Variants in TBPL2 observed in about 807,000 individuals in gnomAD.
TBPL2 encodes TATA box-binding protein-like 2.
In TBPL2, 40 loss-of-function variants were observed where a neutral mutation model predicts 38.2. The ratio of observed to expected loss-of-function variants is 1.05; its 90% CI spans 0.81 to 1.36. TBPL2 has a LOEUF of 1.36. TBPL2 is among the 40% of genes most tolerant of loss of function. The pLI is 0.00. For synonymous variants in TBPL2, 169 were observed against 171.7 expected (o/e 0.98, Z 0.12); for missense variants, 461 against 456.7 (o/e 1.01, Z -0.09).
chr14:55,428,655 C>T, intron 5 of TBPL2, 152 bp downstream of exon 5: 1 of 794,010 alleles, frequency 1.3e-6, no homozygotes, highest in Non-Finnish European at 1.9e-6. Flanking sequence ...CCTATGAGAA[C>T]TCAGGCATAG....
At chr14:55,429,365 G>C (rs1181542009) in intron 4 of TBPL2, among the ~76,000 whole-genome samples, 1 of 152,200 alleles carries the variant, frequency 6.6e-6, no homozygotes, top group Non-Finnish European at 1.5e-5. Context: ...CAGAAACTCT[G>C]GGGGTGGGGC....
intron 6 of TBPL2, among the ~76,000 whole-genome samples, chr14:55,423,866 T>C (rs1410640425): frequency 6.6e-6 from 1 of 152,196 alleles, no homozygotes; most frequent in Non-Finnish European, 1.5e-5. Flanking sequence ...TAAAAGCCTT[T>C]ATGAAGAGTT....
chr14:55,415,578 G>A (rs1441536282), intron 6 of TBPL2, among the ~76,000 whole-genome samples: 16 of 152,160 alleles, frequency 1.1e-4, no homozygotes, highest in Admixed American at 4.6e-4. Flanking sequence ...ACAATTTATA[G>A]TGTAGGCGGG....
intron 5 of TBPL2, among the ~76,000 whole-genome samples, chr14:55,426,595 T>C (rs1005673139): frequency 1.3e-5 from 2 of 151,966 alleles, no homozygotes; most frequent in Non-Finnish European, 2.9e-5. Context: ...GAATACACAC[T>C]CTGGAGTTGT....
Position 55,436,760 on chromosome 14 carries a change from G to A in TBPL2, c.409C>T (p.Pro137Ser), listed in dbSNP as rs1473802333. Residue 137 changes from proline (P) to serine (S), a missense_variant, in exon 2 of 7, where the codon CCC becomes TCC. Coordinates refer to ENST00000247219, the Ensembl canonical transcript of TBPL2. ...CCCAGCCCAACGTCCTGTTCGCTGG[G>A]TGATGGCAACCTACTTTGTGGACTT... The A allele has an allele frequency of 3.7e-6, 6 of 1,614,080 alleles. No individual in the cohort carries two copies. The African/African-American group carries it at 8.0e-5, about 22-fold the overall frequency.
intron 5 of TBPL2, among the ~76,000 whole-genome samples, chr14:55,426,095 C>T (rs965607542): frequency 8.6e-5 from 13 of 151,892 alleles, no homozygotes; most frequent in Non-Finnish European, 1.5e-4. Context: ...GGTAAAACCT[C>T]GTCTCTACTA....
rs1328056168 is a variant in TBPL2, at chr14:55,429,107, G to A, written c.789-133C>T. 5 of 1,110,706 alleles carry A rather than the reference G, an allele frequency of 4.5e-6. No homozygotes were observed. In the East Asian group the frequency reaches 1.3e-4, roughly 28 times the overall value. The allele number at this position is 1,110,706 out of a possible 1,614,324, so 68.8% of individuals were successfully genotyped here. A position where few individuals can be genotyped will look rare whatever the true frequency, so the allele number is the denominator to read the frequency against. On this transcript the variant is annotated intron_variant, in intron 4 of 6. Transcript: ENST00000247219. ...TACTATGAAGCTGTAGGCTTTGTGA[G>A]GAGGACTTACTTCCCATACTTTCGT...
chr14:55,430,378 T>C (rs139967699), intron 4 of TBPL2, among the ~76,000 whole-genome samples: 91 of 144,306 alleles, frequency 6.3e-4, no homozygotes, highest in African/African-American at 2.2e-3. Flanking sequence ...TCATTTAATG[T>C]TGATTCTCCT....
At chr14:55,420,952 T>C (rs1885733176) in intron 6 of TBPL2, among the ~76,000 whole-genome samples, 1 of 146,176 alleles carries the variant, frequency 6.8e-6, no homozygotes, top group African/African-American at 2.5e-5. Context: ...TCCCAGCTAC[T>C]GGGGAGGCTG....
At chr14:55,429,257 A>G (rs1672302519) in intron 4 of TBPL2, among the ~76,000 whole-genome samples, 2 of 152,212 alleles carry the variant, frequency 1.3e-5, no homozygotes. Context: ...GTTATTTGCT[A>G]AAACGATTCC....
intron 6 of TBPL2, among the ~76,000 whole-genome samples, chr14:55,415,884 G>A (rs775361132): frequency 5.3e-5 from 8 of 151,994 alleles, no homozygotes; most frequent in Non-Finnish European, 7.4e-5. Context: ...AAAATGTATG[G>A]TGTGTATATA....
At chr14:55,425,551 T>G (rs1445688383) in intron 5 of TBPL2, among the ~76,000 whole-genome samples, 2 of 152,242 alleles carry the variant, frequency 1.3e-5, no homozygotes, top group Admixed American at 1.3e-4. Context: ...CTCTGCCTCA[T>G]TCCAAAAGAA....
chr14:55,429,293 A>G (rs1296685221), intron 4 of TBPL2, among the ~76,000 whole-genome samples: 1 of 152,222 alleles, frequency 6.6e-6, no homozygotes, highest in East Asian at 1.9e-4. Flanking sequence ...GTGTCCCCAG[A>G]CCAGCAGCTT....
intron 4 of TBPL2, among the ~76,000 whole-genome samples, chr14:55,433,086 C>T (rs368886037): frequency 6.6e-6 from 1 of 152,048 alleles, no homozygotes; most frequent in East Asian, 1.9e-4. Context: ...TAAGTCCCCT[C>T]GGTTTAATAG....
intron 6 of TBPL2, among the ~76,000 whole-genome samples, chr14:55,415,557 A>G (rs1182825106): frequency 1.3e-5 from 2 of 152,226 alleles, no homozygotes; most frequent in Non-Finnish European, 2.9e-5. Context: ...ATGCCCGTCA[A>G]TGGATGGATA....
intron 5 of TBPL2, among the ~76,000 whole-genome samples, chr14:55,426,311 C>T (rs1189011755): frequency 6.6e-6 from 1 of 151,744 alleles, no homozygotes; most frequent in African/African-American, 2.4e-5. Flanking sequence ...GAAAAATTCT[C>T]ATTGACAACT....
intron 6 of TBPL2, among the ~76,000 whole-genome samples, chr14:55,423,939 A>G (rs567168215): frequency 3.3e-5 from 5 of 152,384 alleles, no homozygotes; most frequent in Admixed American, 2.6e-4. Context: ...ATCAGGATGT[A>G]AAGATGAAAT....
At chr14:55,431,981 G>T (rs950351421) in intron 4 of TBPL2, among the ~76,000 whole-genome samples, 13 of 151,916 alleles carry the variant, frequency 8.6e-5, no homozygotes, top group Admixed American at 2.6e-4. Context: ...ACCTGAAAAA[G>T]ACCAAAAAAT....
chr14:55,418,733 C>G (rs1017721237), intron 6 of TBPL2, among the ~76,000 whole-genome samples: 1 of 152,102 alleles, frequency 6.6e-6, no homozygotes, highest in African/African-American at 2.4e-5. Flanking sequence ...AATAAATAAG[C>G]GTTTTCCTGA....
Sources: allele counts gnomAD v4.1 joint callset (sites outside exome capture counted in the v4.1 genomes callset), GRCh38; gene constraint gnomAD v4.1.1; transcripts MANE v1.5; gene names NCBI Gene and HGNC (gene_info 2026-07-23, HGNC 2026-07-21).